The following SGCZ variants were observed in gnomAD, a reference collection of about 807,000 sequenced individuals.
SGCZ encodes the protein zeta-sarcoglycan.
A neutral mutation model predicts 41.3 loss-of-function variants in SGCZ; 40 were observed. That is an observed-to-expected ratio of 0.97 (90% confidence interval 0.75 to 1.26). SGCZ has a LOEUF of 1.26. Ranked by LOEUF, SGCZ falls within the 50% of genes most tolerant of loss-of-function variation. The pLI is 0.00. For missense variants in SGCZ, 552 were observed against 369.8 expected (o/e 1.49, Z -4.04); for synonymous variants, 206 against 137.5 (o/e 1.50, Z -3.49).
chr8:14,354,030 TCTC>T (rs1803200310), intron 2 of SGCZ, among the ~76,000 whole-genome samples: 1 of 152,194 alleles, frequency 6.6e-6, no homozygotes, highest in African/African-American at 2.4e-5. Flanking sequence ...GTATTAATTG[TCTC>T]CTATTTCATT....
At chr8:14,365,598 T>A (rs191702411) in intron 2 of SGCZ, among the ~76,000 whole-genome samples, 2 of 152,252 alleles carry the variant, frequency 1.3e-5, no homozygotes, top group South Asian at 4.1e-4. Flanking sequence ...ACTATTCTCT[T>A]GAAAAGTTTA....
In SGCZ at chr8:14,752,881, ACTAT is replaced by A. The variant is rs542215973; in HGVS notation, c.40-197959_40-197956del. Among the ~76,000 whole-genome samples, 440 of 152,334 alleles carry A rather than the reference ACTAT, an allele frequency of 2.9e-3. 4 individuals are homozygous for A. Among genetic ancestry groups the A allele is most frequent in the African/African-American group, 0.01 (428 of 41,578 alleles). ...TAAAAACACACAGAATCATCAAAGC[ACTAT>A]CTGTGTTTGAGATAAATGATAGTCT... On this transcript the variant is annotated intron_variant, in intron 1 of 7. Coordinates refer to ENST00000382080, the MANE Select transcript of SGCZ (RefSeq NM_139167.4).
chr8:14,620,679 C>T (rs1428286996), intron 1 of SGCZ, among the ~76,000 whole-genome samples: 1 of 152,168 alleles, frequency 6.6e-6, no homozygotes, highest in Non-Finnish European at 1.5e-5. Flanking sequence ...CCAACAGACA[C>T]ATGAAAAAAT....
chr8:15,193,045 T>C (rs1482858206), intron 1 of SGCZ, among the ~76,000 whole-genome samples: 2 of 152,064 alleles, frequency 1.3e-5, no homozygotes, highest in Non-Finnish European at 2.9e-5. Flanking sequence ...AATTGGTGAA[T>C]ACTGGTAGTG....
At chr8:14,879,462 T>C (rs938828373) in intron 1 of SGCZ, among the ~76,000 whole-genome samples, 13 of 152,142 alleles carry the variant, frequency 8.5e-5, no homozygotes, top group Non-Finnish European at 7.3e-5. Context: ...CAAGCTTTTT[T>C]TGAATATTTT....
At position 14,202,473 on chromosome 8, in the gene SGCZ, A is replaced by C. The variant is rs566810959; in HGVS notation, c.424+35119T>G. ...ATAACGAATGTACCAACTCTTGTCT[A>C]TTTCATATTGGGTTTCACAAGGGAA... is the stretch of plus-strand genomic sequence containing the variant. On this transcript the variant is annotated intron_variant, in intron 4 of 7. Transcript: ENST00000382080. Among the ~76,000 whole-genome samples, 99 of 152,140 alleles carry C rather than the reference A, an allele frequency of 6.5e-4. 1 individual carries two copies. Among genetic ancestry groups the C allele is most frequent in the Non-Finnish European group, 1.3e-3 (87 of 67,994 alleles).
chr8:14,429,547 C>T (rs373118653), intron 2 of SGCZ, among the ~76,000 whole-genome samples: 13 of 152,226 alleles, frequency 8.5e-5, no homozygotes, highest in African/African-American at 2.9e-4. Context: ...AAGAGTAGCC[C>T]CCAAAGAAAT....
intron 1 of SGCZ, among the ~76,000 whole-genome samples, chr8:15,182,062 T>C (rs1392706936): frequency 6.6e-6 from 1 of 152,122 alleles, no homozygotes; most frequent in Non-Finnish European, 1.5e-5. Context: ...GAGGAAACCA[T>C]TTTATTCATT....
chr8:14,294,719 T>C (rs1800954744), intron 3 of SGCZ, among the ~76,000 whole-genome samples: 1 of 151,960 alleles, frequency 6.6e-6, no homozygotes. Flanking sequence ...CAAAACTCAA[T>C]AATAAAGCAA....
intron 1 of SGCZ, among the ~76,000 whole-genome samples, chr8:15,043,259 G>A (rs1329283122): frequency 5.3e-5 from 8 of 152,112 alleles, no homozygotes; most frequent in African/African-American, 1.4e-4. Context: ...CTTAACAAAT[G>A]TGTCTCTAGA....
At chr8:14,239,688 G>A (rs1798789561) in intron 3 of SGCZ, among the ~76,000 whole-genome samples, 1 of 151,558 alleles carries the variant, frequency 6.6e-6, no homozygotes, top group African/African-American at 2.4e-5. Context: ...GGATCACGAG[G>A]TCAGGAGATC....
At chr8:14,824,798 T>C (rs1415128834) in intron 1 of SGCZ, among the ~76,000 whole-genome samples, 1 of 152,114 alleles carries the variant, frequency 6.6e-6, no homozygotes, top group Non-Finnish European at 1.5e-5. Context: ...TTTTCAGCGA[T>C]GTAGTATAGA....
chr8:14,791,131 T>A (rs1163293667), intron 1 of SGCZ, among the ~76,000 whole-genome samples: 1 of 152,192 alleles, frequency 6.6e-6, no homozygotes, highest in African/African-American at 2.4e-5. Context: ...AGAGGTTTTT[T>A]ATTTTAATAT....
chr8:14,854,689 C>A (rs1336289682), intron 1 of SGCZ, among the ~76,000 whole-genome samples: 1 of 152,056 alleles, frequency 6.6e-6, no homozygotes, highest in Non-Finnish European at 1.5e-5. Context: ...ACTGGTCCTT[C>A]TGATTTCTTT....
chr8:14,360,166 G>T (rs1803456169), intron 2 of SGCZ, among the ~76,000 whole-genome samples: 2 of 151,986 alleles, frequency 1.3e-5, no homozygotes, highest in Non-Finnish European at 1.5e-5. Context: ...ATACTTAATG[G>T]AAAAAACTGG....
At chr8:15,001,458 G>A (rs1802417657) in intron 1 of SGCZ, among the ~76,000 whole-genome samples, 3 of 152,168 alleles carry the variant, frequency 2.0e-5, no homozygotes, top group Admixed American at 1.3e-4. Flanking sequence ...GGCCGGGCAT[G>A]GTGGCTCACG....
intron 1 of SGCZ, among the ~76,000 whole-genome samples, chr8:15,052,838 G>C (rs1804563076): frequency 6.6e-6 from 1 of 152,070 alleles, no homozygotes; most frequent in Non-Finnish European, 1.5e-5. Flanking sequence ...ACACGTTGAA[G>C]GATAATGGCT....
chr8:14,804,181 T>A (rs1435442075), intron 1 of SGCZ, among the ~76,000 whole-genome samples: 1 of 92,522 alleles, frequency 1.1e-5, no homozygotes, highest in Non-Finnish European at 2.1e-5. Flanking sequence ...CCTCTCCTCC[T>A]CCAAAGGAAC....
intron 5 of SGCZ, among the ~76,000 whole-genome samples, chr8:14,142,266 T>G (rs537107977): frequency 6.3e-4 from 96 of 152,138 alleles, no homozygotes; most frequent in African/African-American, 2.2e-3. Flanking sequence ...TGTATACATA[T>G]GTAGCATACC....
Sources: gnomAD v4.1 joint callset for allele counts (sites outside exome capture counted in the v4.1 genomes callset) on GRCh38, gnomAD v4.1.1 for gene constraint, MANE v1.5 for transcripts, NCBI Gene and HGNC (gene_info 2026-07-23, HGNC 2026-07-21) for gene names.